Variants in OR1J2 observed in about 807,000 individuals in gnomAD.
OR1J2 encodes olfactory receptor family 1 subfamily J member 2, also known as olfactory receptor 1J2.
For synonymous variants in OR1J2, 142 were observed against 99.7 expected (o/e 1.42, Z -2.52); for missense variants, 304 against 246.1 (o/e 1.24, Z -1.57).
At chr9:122,476,471 A>C in the OR1J2 span, among the ~76,000 whole-genome samples, 2,867 of 152,344 alleles carry the variant, frequency 0.019, 39 homozygotes, top group East Asian at 0.071. Context: ...CCATTACCCA[A>C]GAAAAGAGCA....
At chr9:122,565,036 T>G in the OR1J2 span, among the ~76,000 whole-genome samples, 2 of 152,214 alleles carry the variant, frequency 1.3e-5, no homozygotes, top group African/African-American at 4.8e-5. Flanking sequence ...TCAAGGGACT[T>G]ATACTTCCTC....
At chr9:122,465,413 C>T in the OR1J2 span, among the ~76,000 whole-genome samples, 3 of 152,106 alleles carry the variant, frequency 2.0e-5, no homozygotes, top group South Asian at 2.1e-4. Flanking sequence ...TCCTAAAGCA[C>T]GTAATTATAA....
At chr9:122,479,268 A>C in the OR1J2 span, among the ~76,000 whole-genome samples, 3 of 152,080 alleles carry the variant, frequency 2.0e-5, no homozygotes, top group African/African-American at 7.2e-5. Flanking sequence ...TGCTACTGAA[A>C]TCTCATTGTT....
chr9:122,468,808 G>A, the OR1J2 span, among the ~76,000 whole-genome samples: 32 of 152,226 alleles, frequency 2.1e-4, no homozygotes, highest in African/African-American at 4.1e-4. Flanking sequence ...TTCTGCTAGC[G>A]GACTAACCTC....
the OR1J2 span, among the ~76,000 whole-genome samples, chr9:122,576,419 G>C: frequency 6.7e-6 from 1 of 148,818 alleles, no homozygotes; most frequent in Non-Finnish European, 1.5e-5. Context: ...TTTTTTAGTA[G>C]AGATGTGGTT....
chr9:122,548,325 A>G, the OR1J2 span, among the ~76,000 whole-genome samples: 3 of 152,168 alleles, frequency 2.0e-5, no homozygotes, highest in Non-Finnish European at 4.4e-5. Context: ...TTCTTTATAT[A>G]CATTTCCCTT....
At chr9:122,530,984 G>C in the OR1J2 span, among the ~76,000 whole-genome samples, 1 of 152,192 alleles carries the variant, frequency 6.6e-6, no homozygotes, top group Non-Finnish European at 1.5e-5. Context: ...TGATGGCTTA[G>C]CTTAGGCTCA....
the OR1J2 span, among the ~76,000 whole-genome samples, chr9:122,546,855 G>C: frequency 6.6e-6 from 1 of 151,966 alleles, no homozygotes; most frequent in African/African-American, 2.4e-5. Flanking sequence ...GTATGTATTC[G>C]GGGGGTACAT....
At chr9:122,494,848 T>C in the OR1J2 span, among the ~76,000 whole-genome samples, 18 of 152,334 alleles carry the variant, frequency 1.2e-4, no homozygotes, top group East Asian at 3.5e-3. Flanking sequence ...GATTTAGAGC[T>C]CCCTTTAACA....
At chr9:122,547,735 G>T in the OR1J2 span, among the ~76,000 whole-genome samples, 2,217 of 151,228 alleles carry the variant, frequency 0.015, 60 homozygotes, top group African/African-American at 0.051. Context: ...TGCTATTGTG[G>T]ATAGTGCTAC....
chr9:122,473,418 T>G, the OR1J2 span, among the ~76,000 whole-genome samples: 1 of 152,332 alleles, frequency 6.6e-6, no homozygotes, highest in Non-Finnish European at 1.5e-5. Flanking sequence ...CTTTACCATA[T>G]GTAAGAAAAC....
the OR1J2 span, among the ~76,000 whole-genome samples, chr9:122,459,402 C>G: frequency 2.6e-5 from 4 of 152,162 alleles, no homozygotes; most frequent in African/African-American, 9.7e-5. Context: ...ACTAGACATT[C>G]TATAGAATTG....
At chr9:122,468,645 A>G in the OR1J2 span, among the ~76,000 whole-genome samples, 2 of 152,178 alleles carry the variant, frequency 1.3e-5, no homozygotes, top group Non-Finnish European at 2.9e-5. Context: ...ACTGGATCCC[A>G]TCTCCTGTGG....
the OR1J2 span, among the ~76,000 whole-genome samples, chr9:122,467,188 A>AGCCTCAGTCAGCCCCT: frequency 1.6e-4 from 24 of 152,228 alleles, no homozygotes; most frequent in African/African-American, 5.8e-4. Context: ...TAATCCCCCT[A>AGCCTCAGTCAGCCCCT]GCCTCAGTCA....
chr9:122,478,769 C>T, the OR1J2 span, among the ~76,000 whole-genome samples: 5,793 of 152,194 alleles, frequency 0.038, 143 homozygotes, highest in South Asian at 0.12. Flanking sequence ...CATAATTGCT[C>T]TGATCTTTTT....
chr9:122,509,837 T>A (rs758984983), upstream of OR1J2, among the ~76,000 whole-genome samples: 15 of 152,240 alleles, frequency 9.9e-5, no homozygotes, highest in East Asian at 1.9e-3. Flanking sequence ...TAAAAAAAGA[T>A]CTCCAAGACT....
chr9:122,466,687 T>C, the OR1J2 span, among the ~76,000 whole-genome samples: 1 of 152,142 alleles, frequency 6.6e-6, no homozygotes, highest in Non-Finnish European at 1.5e-5. Context: ...AAAGGGGGAA[T>C]TTCATTCCCA....
At chr9:122,526,708 T>A in the OR1J2 span, 5 of 1,614,024 alleles carry the variant, frequency 3.1e-6, no homozygotes, top group Non-Finnish European at 4.2e-6. Context: ...ACAAAAACCA[T>A]CATCTCGTTG....
chr9:122,523,183 G>A, the OR1J2 span, among the ~76,000 whole-genome samples: 1 of 152,192 alleles, frequency 6.6e-6, no homozygotes, highest in Non-Finnish European at 1.5e-5. Flanking sequence ...ATGAGTCTAG[G>A]TAGAGTGGAC....
Sources: gnomAD v4.1 joint callset for allele counts (sites outside exome capture counted in the v4.1 genomes callset) on GRCh38, gnomAD v4.1.1 for gene constraint, MANE v1.5 for transcripts, NCBI Gene and HGNC (gene_info 2026-07-23, HGNC 2026-07-21) for gene names.